NLGN1: variants seen among roughly 807,000 people sequenced by gnomAD.
NLGN1 encodes the protein neuroligin 1, also known as neuroligin-1.
In NLGN1, 12 loss-of-function variants were observed where a neutral mutation model predicts 65.5. The observed-to-expected ratio is 0.18, with a 90% CI of 0.12 to 0.30. The LOEUF is 0.30. Ranked by LOEUF, NLGN1 falls within the 10% of genes least tolerant of loss-of-function variation. The pLI, the probability that NLGN1 is intolerant of heterozygous loss-of-function variation, is 1.00. For missense variants in NLGN1, 750 were observed against 1,007.1 expected (o/e 0.74, Z 3.46); for synonymous variants, 350 against 359.5 (o/e 0.97, Z 0.30).
chr3:174,199,722 T>C (rs548055192), intron 4 of NLGN1, among the ~76,000 whole-genome samples: 1 of 152,356 alleles, frequency 6.6e-6, no homozygotes, highest in South Asian at 2.1e-4. Flanking sequence ...AATTCCATTT[T>C]ACTTCTGCAG....
At chr3:173,560,030 G>A (rs1251573693) in intron 2 of NLGN1, among the ~76,000 whole-genome samples, 2 of 146,258 alleles carry the variant, frequency 1.4e-5, no homozygotes, top group African/African-American at 2.6e-5. Context: ...TGCCAGCTCC[G>A]CCTTCCGGGT....
intron 3 of NLGN1, among the ~76,000 whole-genome samples, chr3:173,755,495 T>C (rs78170875): frequency 0.031 from 4,681 of 152,152 alleles, 182 homozygotes; most frequent in African/African-American, 0.097. Context: ...ATGTTGTAGG[T>C]TCTTTGGGAG....
At chr3:173,824,090 C>T (rs1236721321) in intron 4 of NLGN1, among the ~76,000 whole-genome samples, 5 of 151,896 alleles carry the variant, frequency 3.3e-5, no homozygotes, top group Non-Finnish European at 7.4e-5. Flanking sequence ...TTCACAAAGA[C>T]ACAAAAGTAC....
At chr3:173,945,823 C>A (rs1218687899) in intron 4 of NLGN1, among the ~76,000 whole-genome samples, 1 of 152,196 alleles carries the variant, frequency 6.6e-6, no homozygotes, top group Non-Finnish European at 1.5e-5. Context: ...TTTTAACAAG[C>A]TGTCAATCTT....
chr3:173,910,065 T>G (rs1203583505), intron 4 of NLGN1, among the ~76,000 whole-genome samples: 1 of 152,158 alleles, frequency 6.6e-6, no homozygotes, highest in Non-Finnish European at 1.5e-5. Context: ...AACCCTAAAC[T>G]CTCCTCAGAC....
intron 2 of NLGN1, among the ~76,000 whole-genome samples, chr3:173,455,240 A>G (rs778221897): frequency 3.6e-4 from 55 of 152,160 alleles, no homozygotes; most frequent in Non-Finnish European, 7.2e-4. Context: ...GCAGAGGGTG[A>G]AGGGAGAGCC....
chr3:173,913,016 A>G (rs1739950296), intron 4 of NLGN1, among the ~76,000 whole-genome samples: 2 of 152,168 alleles, frequency 1.3e-5, no homozygotes, highest in Admixed American at 6.5e-5. Flanking sequence ...AACAGCGACT[A>G]GAATGCATTT....
At chr3:174,169,957 C>T (rs755764672) in intron 4 of NLGN1, among the ~76,000 whole-genome samples, 2 of 152,114 alleles carry the variant, frequency 1.3e-5, no homozygotes, top group Admixed American at 6.5e-5. Flanking sequence ...CTGGGTTGCT[C>T]GGATTCCCAG....
intron 4 of NLGN1, among the ~76,000 whole-genome samples, chr3:174,217,231 A>T (rs1289612791): frequency 6.6e-6 from 1 of 152,038 alleles, no homozygotes; most frequent in Non-Finnish European, 1.5e-5. Flanking sequence ...TTCTCTTTTT[A>T]TAAGGACCAC....
intron 4 of NLGN1, among the ~76,000 whole-genome samples, chr3:174,145,583 T>C (rs1483094942): frequency 1.3e-5 from 2 of 152,078 alleles, no homozygotes; most frequent in East Asian, 3.9e-4. Flanking sequence ...GAAAAACATA[T>C]ATTACACCTG....
intron 4 of NLGN1, among the ~76,000 whole-genome samples, chr3:174,010,944 T>C (rs1360755257): frequency 6.6e-6 from 1 of 152,128 alleles, no homozygotes; most frequent in Admixed American, 6.5e-5. Flanking sequence ...TACTGCTCAA[T>C]TTGATAGCAG....
At chr3:173,435,467 T>C (rs1286753215) in intron 2 of NLGN1, among the ~76,000 whole-genome samples, 1 of 152,146 alleles carries the variant, frequency 6.6e-6, no homozygotes, top group Non-Finnish European at 1.5e-5. Context: ...TACACACACA[T>C]ATATGAAAAT....
At chr3:173,862,447 A>T (rs1490938326) in intron 4 of NLGN1, among the ~76,000 whole-genome samples, 8 of 136,920 alleles carry the variant, frequency 5.8e-5, no homozygotes, top group African/African-American at 2.2e-4. Flanking sequence ...CGGAGCTTGC[A>T]GTGAGCCGAG....
At chr3:173,745,478 GAGAA>G (rs1775228814) in intron 3 of NLGN1, among the ~76,000 whole-genome samples, 1 of 151,456 alleles carries the variant, frequency 6.6e-6, no homozygotes, top group African/African-American at 2.4e-5. Context: ...TTTTTTTTAC[GAGAA>G]AGAGTTGGTT....
chr3:173,898,514 A>G (rs1403877196), intron 4 of NLGN1, among the ~76,000 whole-genome samples: 4 of 152,196 alleles, frequency 2.6e-5, no homozygotes, highest in African/African-American at 9.6e-5. Context: ...TTTTCATCCC[A>G]GAGACCTGGT....
intron 1 of NLGN1, among the ~76,000 whole-genome samples, chr3:173,416,461 G>A (rs1320499499): frequency 2.6e-5 from 4 of 152,154 alleles, no homozygotes; most frequent in Admixed American, 6.6e-5. Flanking sequence ...CAGGAGCAGC[G>A]TCTTCCCATG....
intron 2 of NLGN1, among the ~76,000 whole-genome samples, chr3:173,481,195 C>G (rs1727220063): frequency 6.6e-6 from 1 of 151,950 alleles, no homozygotes; most frequent in African/African-American, 2.4e-5. Context: ...AGATTATTTA[C>G]ACAGGGTTAA....
At chr3:173,640,766 T>G (rs1757287090) in intron 3 of NLGN1, among the ~76,000 whole-genome samples, 1 of 152,198 alleles carries the variant, frequency 6.6e-6, no homozygotes, top group Non-Finnish European at 1.5e-5. Flanking sequence ...TGATGTCTTT[T>G]TATGGCCAAG....
intron 5 of NLGN1, among the ~76,000 whole-genome samples, chr3:174,276,980 C>A (rs1390602501): frequency 6.6e-6 from 1 of 151,904 alleles, no homozygotes; most frequent in South Asian, 2.1e-4. Context: ...TAGTATCAAA[C>A]GGGCATTGGT....
Sources: gnomAD v4.1 joint callset for allele counts (sites outside exome capture counted in the v4.1 genomes callset) on GRCh38, gnomAD v4.1.1 for gene constraint, MANE v1.5 for transcripts, NCBI Gene and HGNC (gene_info 2026-07-23, HGNC 2026-07-21) for gene names.